ABCC8: variants seen among roughly 807,000 people sequenced by gnomAD.
The protein encoded by ABCC8 is ATP binding cassette subfamily C member 8, also known as ATP-binding cassette sub-family C member 8.
Under a neutral mutation model 188.0 loss-of-function variants are expected in ABCC8, and 137 were observed. The ratio of observed to expected loss-of-function variants is 0.73; its 90% CI spans 0.63 to 0.84. The LOEUF is 0.84. Ranked by LOEUF, ABCC8 falls within the 40% of genes least tolerant of loss-of-function variation. ABCC8 has a pLI of 0.00. For synonymous variants in ABCC8, 797 were observed against 846.5 expected, an observed-to-expected ratio of 0.94 and a Z score of 1.01; for missense variants, 1,750 against 2,072.7, an observed-to-expected ratio of 0.84 and a Z score of 3.02.
At position 17,448,609 on chromosome 11, in the gene ABCC8, A is replaced by G. The variant is rs1213052913; in HGVS notation, c.1239T>C (p.Thr413=). The part of the protein sequence containing the change: ...STSNLSMGEM[T]AGQICNLVAI... ...CAACCAGATTACAGATCTGTCCAGC[A>G]GTCATTTCTCCCATGGACAGGTTGG... is the stretch of plus-strand genomic sequence containing the variant. The change falls in exon 8 of 39, where the codon ACT becomes ACC. Residue 413 remains threonine, a synonymous_variant. Transcript: ENST00000389817. 6.2e-7 allele frequency: 1 copy of G among 1,614,062 alleles called. No individual in the cohort carries two copies. The highest frequency in any genetic ancestry group is 8.5e-7 in the Non-Finnish European group (1 of 1,180,008).
At chr11:17,426,313 G>T (rs1955580521) in intron 16 of ABCC8, among the ~76,000 whole-genome samples, 1 of 152,214 alleles carries the variant, frequency 6.6e-6, no homozygotes, top group Non-Finnish European at 1.5e-5. Context: ...CAGTGTAAAA[G>T]CGTTCCTATT....
rs77330420 is a variant in ABCC8 at position 17,427,572 on chromosome 11, T to C, written c.2116+295A>G. 0.014 allele frequency among the ~76,000 whole-genome samples: 2,199 copies of C among 152,310 alleles called. 22 individuals carry two copies. The highest frequency in any genetic ancestry group is 0.071 in the Middle Eastern group (21 of 294). On this transcript the variant is annotated intron_variant, in intron 15 of 38. Coordinates refer to ENST00000389817, the MANE Select transcript of ABCC8 (RefSeq NM_000352.6). The surrounding 1 kb of genome is among the most constrained non-coding windows in gnomAD (Gnocchi z 5.0). ...TGTCCATTCTCAGAAACCCCATCACTTCCACTTGCGTTCCTTGGCTACCCA... is the reference window on the plus strand; with the variant it reads ...TGTCCATTCTCAGAAACCCCATCACCTCCACTTGCGTTCCTTGGCTACCCA...
Position 17,413,439 on chromosome 11 carries a change from G to T in ABCC8, c.2430C>A (p.Asp810Glu), listed in dbSNP as rs759553949. The T allele has an allele frequency of 1.9e-6, 3 of 1,614,064 alleles. No individual in the cohort carries two copies. In the African/African-American group the frequency reaches 4.0e-5, roughly 22 times the overall value. ...GGTCTCCATGGGGCAGGATGTCGATGTCTGGCTGCAGAGAGCAGGCTTCAA... is the reference window on the plus strand; with the variant it reads ...GGTCTCCATGGGGCAGGATGTCGATTTCTGGCTGCAGAGAGCAGGCTTCAA... ...MVIEACSLQP[D>E]IDILPHGDQT... Residue 810 changes from aspartate to glutamate, a missense_variant, in exon 20 of 39, where the codon GAC becomes GAA. Coordinates refer to ENST00000389817, the MANE Select transcript of ABCC8 (RefSeq NM_000352.6).
At chr11:17,437,399 CAGAAGTTACGTGTCAG>C (rs71967430) in intron 10 of ABCC8, among the ~76,000 whole-genome samples, 3,978 of 152,298 alleles carry the variant, frequency 0.026, 174 homozygotes, top group African/African-American at 0.092. Flanking sequence ...ATACATGTTC[CAGAAGTTACGTGTCAG>C]AGAGGCATAG....
At position 17,397,762 on chromosome 11, in the gene ABCC8, C is replaced by G; in HGVS notation, c.3789G>C (p.Ala1263=). ...GCAGGGAGTTGGAGATGGAGGTCAC[C>G]GCTGCGATGAGCACCACACATGCAC... ...YIGACVVLIA[A]VTSISNSLHR... Residue 1263 remains alanine, a synonymous_variant, in exon 31 of 39, where the codon GCG becomes GCC. Coordinates refer to ENST00000389817, the MANE Select transcript of ABCC8 (RefSeq NM_000352.6). 6.2e-7 allele frequency: 1 copy of G among 1,613,842 alleles called. No homozygotes were observed. Among genetic ancestry groups the G allele is most frequent in the South Asian group, 1.1e-5 (1 of 91,084 alleles).
intron 2 of ABCC8, among the ~76,000 whole-genome samples, chr11:17,470,581 A>C (rs769143701): frequency 9.2e-5 from 14 of 152,208 alleles, no homozygotes; most frequent in Middle Eastern, 3.2e-3. Context: ...CTGTGATAAC[A>C]AACTGATGAG....
intron 26 of ABCC8, chr11:17,406,400 A>G: frequency 1.7e-6 from 1 of 594,730 alleles, no homozygotes. Flanking sequence ...TAACAATTAA[A>G]TGAGCTAACC....
At position 17,393,714 on chromosome 11, in the gene ABCC8, T is replaced by C. The variant is rs796891223; in HGVS notation, c.4591A>G (p.Thr1531Ala). ...CCCCTTACCGCGATGGTGACCACAGTGCGGTCTGCGAAGGCTGTCATCACC... is the reference window on the plus strand; with the variant it reads ...CCCCTTACCGCGATGGTGACCACAGCGCGGTCTGCGAAGGCTGTCATCACC... ...KVVMTAFADR[T>A]VVTIAHRVHT... The change falls in exon 38 of 39, where the codon ACT becomes GCT. Residue 1531 changes from threonine (T) to alanine (A), a missense_variant. By Grantham distance (58) the Thr-to-Ala change is moderately conservative (BLOSUM62 0). Coordinates refer to ENST00000389817, the MANE Select transcript of ABCC8 (RefSeq NM_000352.6). 1.9e-6 allele frequency: 3 copies of C among 1,614,218 alleles called. No individual in the cohort carries two copies. Among genetic ancestry groups the C allele is most frequent in the Non-Finnish European group, 2.5e-6 (3 of 1,180,018 alleles).
chr11:17,475,161 G>C, intron 1 of ABCC8, 134 bp from the exon 2 acceptor site: 4 of 1,365,744 alleles, frequency 2.9e-6, no homozygotes, highest in Non-Finnish European at 4.0e-6. Context: ...CCCCAAGGCT[G>C]GTACACACAA....
At position 17,404,803 on chromosome 11, in the gene ABCC8, C is replaced by T; in HGVS notation, c.3400-134G>A. Reference sequence around the variant, plus strand: ...TTTTGAGACTGAGTCTCACTGTTGCCCAGACTTGAGTGCAGCAGCGTAATC... The same window carrying T: ...TTTTGAGACTGAGTCTCACTGTTGCTCAGACTTGAGTGCAGCAGCGTAATC... On this transcript the variant is annotated intron_variant, in intron 27 of 38. Transcript: ENST00000389817. The surrounding 1 kb of genome is among the most constrained non-coding windows in gnomAD (Gnocchi z 4.7). 7.2e-7 allele frequency: 1 copy of T among 1,388,726 alleles called. No individual in the cohort carries two copies. The highest frequency in any genetic ancestry group is 1.3e-5 in the South Asian group (1 of 76,240). 86.0% of individuals were successfully genotyped at this position (1,388,726 alleles called of 1,614,324 possible).
In ABCC8 at chr11:17,428,410, G is replaced by C. The variant is rs1955691673; in HGVS notation, c.1924-5C>G. The C allele has an allele frequency of 6.2e-7, 1 of 1,612,184 alleles. No homozygotes were observed. Among genetic ancestry groups the C allele is most frequent in the Non-Finnish European group, 8.5e-7 (1 of 1,178,654 alleles). On this transcript the variant is annotated splice_polypyrimidine_tract_variant and splice_region_variant and intron_variant, in intron 13 of 38. Transcript: ENST00000389817. ...GCGGTTCACAACCCTGAGGGGCTGGGGGTGGTTTGGAGGTGAGGACCCACT... is the reference window on the plus strand; with the variant it reads ...GCGGTTCACAACCCTGAGGGGCTGGCGGTGGTTTGGAGGTGAGGACCCACT...
intron 24 of ABCC8, 56 bp downstream of exon 24, chr11:17,407,298 T>A: frequency 6.2e-7 from 1 of 1,613,522 alleles, no homozygotes; most frequent in Non-Finnish European, 8.5e-7. Flanking sequence ...CCTTAGCCTC[T>A]CTGTGGCTGA....
At position 17,463,578 on chromosome 11, in the gene ABCC8, A is replaced by T; in HGVS notation, c.439T>A (p.Phe147Ile). 1 of 1,588,636 alleles carries T rather than the reference A, an allele frequency of 6.3e-7. No individual in the cohort carries two copies. Among genetic ancestry groups the T allele is most frequent in the Admixed American group, 1.8e-5 (1 of 56,136 alleles). Residue 147 changes from phenylalanine to isoleucine, a missense_variant, in exon 4 of 39, where the codon TTC becomes ATC. Transcript: ENST00000389817. ...IALLVYWTLA[F>I]ITKTIKFVKF... is the part of the protein sequence containing the mutation. Reference sequence around the variant, plus strand: ...ACAAACTTGATGGTCTTGGTGATGAAGGCCAGGGTCCAATACACCAGCAGG... The same window carrying T: ...ACAAACTTGATGGTCTTGGTGATGATGGCCAGGGTCCAATACACCAGCAGG...
At chr11:17,410,044 G>A (rs554124233) in intron 22 of ABCC8, among the ~76,000 whole-genome samples, 4 of 151,954 alleles carry the variant, frequency 2.6e-5, no homozygotes, top group East Asian at 1.9e-4. Flanking sequence ...GAGCCCCTGC[G>A]CCCAGCCTGA....
intron 16 of ABCC8, 164 bp from the exon 17 acceptor site, chr11:17,417,126 T>C: frequency 1.1e-6 from 1 of 928,380 alleles, no homozygotes; most frequent in Non-Finnish European, 1.3e-6. Context: ...CTCTTCTCAA[T>C]CTCTGTCCCT....
At chr11:17,417,089 A>G (rs1033352816) in intron 16 of ABCC8, 127 bp from the exon 17 acceptor site, 2 of 1,557,230 alleles carry the variant, frequency 1.3e-6, no homozygotes, top group Non-Finnish European at 8.7e-7. Context: ...CAGGGTTTCC[A>G]AATGGCCTCT....
At chr11:17,409,428 G>A (rs1954703771) in intron 22 of ABCC8, among the ~76,000 whole-genome samples, 1 of 152,134 alleles carries the variant, frequency 6.6e-6, no homozygotes, top group Non-Finnish European at 1.5e-5. Context: ...GTGTTCCTCA[G>A]GATTGTCCTG....
chr11:17,463,636 G>T (rs201764046), intron 3 of ABCC8, 32 bp from the exon 4 acceptor site: 1 of 1,557,464 alleles, frequency 6.4e-7, no homozygotes, highest in East Asian at 2.4e-5. Context: ...TCGCAGAGAC[G>T]TGTGTGCATC....
chr11:17,412,540 G>T, intron 21 of ABCC8, 126 bp downstream of exon 21: 1 of 1,326,156 alleles, frequency 7.5e-7, no homozygotes, highest in Non-Finnish European at 1.1e-6. Context: ...CAATATCTCT[G>T]GCAGGAGGGA....
Sources: gnomAD v4.1 joint callset for allele counts (sites outside exome capture counted in the v4.1 genomes callset) on GRCh38, gnomAD v4.1.1 for gene constraint, Gnocchi (gnomAD v3.1) non-coding constraint, MANE v1.5 for transcripts, NCBI Gene and HGNC (gene_info 2026-07-23, HGNC 2026-07-21) for gene names.